LPCAT3: variants seen among roughly 807,000 people sequenced by gnomAD.
LPCAT3 encodes the protein lysophospholipid acyltransferase 5.
In LPCAT3, 21 loss-of-function variants were observed where a neutral mutation model predicts 63.4. That is an observed-to-expected ratio of 0.33 (90% CI 0.23 to 0.48). The LOEUF (loss-of-function observed/expected upper bound fraction) is 0.48. Ranked by LOEUF, LPCAT3 falls within the 20% of genes least tolerant of loss-of-function variation. The probability of loss-of-function intolerance (pLI) is 0.99; values close to 1 mark genes in which losing one functional copy is unlikely to be tolerated. For synonymous variants in LPCAT3, 242 were observed against 227.5 expected, an observed-to-expected ratio of 1.06 and a Z score of -0.58; for missense variants, 451 against 590.6, an observed-to-expected ratio of 0.76 and a Z score of 2.45.
chr12:7,003,888 G>C (rs1440333330), intron 1 of LPCAT3, among the ~76,000 whole-genome samples: 4 of 144,526 alleles, frequency 2.8e-5, no homozygotes, highest in African/African-American at 1.1e-4. Flanking sequence ...CACCACTGCA[G>C]TCCGCAGTCC....
Position 6,977,962 on chromosome 12 carries a change from G to A in LPCAT3, c.1041-217C>T. On this transcript the variant is annotated intron_variant, in intron 9 of 12. Transcript: ENST00000261407. The surrounding 1 kb of genome is among the most constrained non-coding windows in gnomAD (Gnocchi z 4.5). ...AGACCGTGTGCGCACGAGCCACTTG[G>A]TTCAGCAGCAGTGACTGAGGCTGAT... The A allele has an allele frequency of 1.7e-6, 1 of 589,602 alleles. No homozygotes were observed. The highest frequency in any genetic ancestry group is 3.0e-5 in the East Asian group (1 of 33,714). 36.5% of individuals were successfully genotyped at this position (589,602 alleles called of 1,614,324 possible).
chr12:7,003,479 T>G (rs1488987543), intron 1 of LPCAT3, among the ~76,000 whole-genome samples: 5 of 152,192 alleles, frequency 3.3e-5, no homozygotes, highest in African/African-American at 1.2e-4. Context: ...TTTATTTTAT[T>G]TTAGTAGAGA....
Position 6,987,101 on chromosome 12 carries a change from G to C in LPCAT3, c.152-3562C>G, listed in dbSNP as rs1244105263. Among the ~76,000 whole-genome samples the C allele has an allele frequency of 6.7e-6, 1 of 148,260 alleles. No individual in the cohort carries two copies. The highest frequency in any genetic ancestry group is 1.5e-5 in the Non-Finnish European group (1 of 67,896). On this transcript the variant is annotated intron_variant, in intron 1 of 12. Transcript: ENST00000261407. This position sits in a 1 kb window ranked among gnomAD's most constrained non-coding sequence, Gnocchi z 4.1. ...GCACTCCAGCTTGGGCAACGAGCAA[G>C]ATTCTGTCTCAAAAAAAAAAGAAAA...
chr12:6,990,916 C>CAAAAAA (rs59031613), intron 1 of LPCAT3, among the ~76,000 whole-genome samples: 1 of 68,138 alleles, frequency 1.5e-5, no homozygotes, highest in African/African-American at 3.8e-5. Context: ...GACTCCAAAT[C>CAAAAAA]AAAAAAAAAA....
chr12:7,004,763 A>G (rs932062653), intron 1 of LPCAT3, among the ~76,000 whole-genome samples: 1 of 152,132 alleles, frequency 6.6e-6, no homozygotes. Context: ...ACTTCCTATA[A>G]CACTACCTTA....
At position 6,987,793 on chromosome 12, in the gene LPCAT3, G is replaced by A. The variant is rs1407873390; in HGVS notation, c.152-4254C>T. ...TTAACATTTTCTAGGTGTCTGGATC[G>A]TATCTATTCCAGAGTAAAGTCATGA... On this transcript the variant is annotated intron_variant, in intron 1 of 12. Transcript: ENST00000261407. The surrounding 1 kb of genome is among the most constrained non-coding windows in gnomAD (Gnocchi z 4.1). The A allele has an allele frequency of 3.5e-5, 14 of 400,566 alleles. No individual in the cohort carries two copies. The highest frequency in any genetic ancestry group is 2.1e-4 in the African/African-American group (10 of 48,684). The allele number at this position is 400,566 out of a possible 1,614,324, so 24.8% of individuals were successfully genotyped here.
intron 1 of LPCAT3, among the ~76,000 whole-genome samples, chr12:7,002,191 C>T (rs782741949): frequency 6.6e-6 from 1 of 152,120 alleles, no homozygotes; most frequent in Non-Finnish European, 1.5e-5. Context: ...TCTCTCCTGC[C>T]CTCTCTGTTA....
chr12:7,000,765 G>T (rs372013394), intron 1 of LPCAT3, among the ~76,000 whole-genome samples: 1 of 151,520 alleles, frequency 6.6e-6, no homozygotes, highest in Non-Finnish European at 1.5e-5. Flanking sequence ...AGAGTGCAGT[G>T]GCGCGATCTC....
At chr12:6,994,365 G>A (rs1305142916) in intron 1 of LPCAT3, among the ~76,000 whole-genome samples, 1 of 152,038 alleles carries the variant, frequency 6.6e-6, no homozygotes, top group Non-Finnish European at 1.5e-5. Flanking sequence ...GCACCACCAT[G>A]CCCAGCTAAT....
At chr12:7,008,223 C>T (rs1555156995) in intron 1 of LPCAT3, among the ~76,000 whole-genome samples, 1 of 152,118 alleles carries the variant, frequency 6.6e-6, no homozygotes, top group African/African-American at 2.4e-5. Flanking sequence ...TATACAGTAT[C>T]TTCTGAACTA....
intron 1 of LPCAT3, among the ~76,000 whole-genome samples, chr12:7,000,867 T>C (rs1946681228): frequency 6.6e-6 from 1 of 151,728 alleles, no homozygotes; most frequent in African/African-American, 2.4e-5. Flanking sequence ...CCACCACGCC[T>C]GGCTAATTTT....
chr12:7,012,046 T>A (rs1198624394), intron 1 of LPCAT3, among the ~76,000 whole-genome samples: 1 of 152,158 alleles, frequency 6.6e-6, no homozygotes, highest in Non-Finnish European at 1.5e-5. Flanking sequence ...CTCCTTTGAT[T>A]TTAAAGGTCG....
intron 1 of LPCAT3, among the ~76,000 whole-genome samples, chr12:6,994,674 C>CG (rs200516927): frequency 0.04 from 6,079 of 152,232 alleles, 198 homozygotes; most frequent in Non-Finnish European, 0.065. Flanking sequence ...AGGCTGGTCT[C>CG]GAACTCCTGA....
chr12:7,007,570 C>A (rs1299236717), intron 1 of LPCAT3, among the ~76,000 whole-genome samples: 2 of 149,260 alleles, frequency 1.3e-5, no homozygotes, highest in African/African-American at 5.0e-5. Flanking sequence ...TCTCGGCTCA[C>A]TGCAACCTCC....
At chr12:6,988,954 T>A (rs1179386127) in intron 1 of LPCAT3, among the ~76,000 whole-genome samples, 5 of 151,780 alleles carry the variant, frequency 3.3e-5, no homozygotes, top group Non-Finnish European at 7.4e-5. Flanking sequence ...AGAAACCCTG[T>A]CTCTACTAAA....
intron 7 of LPCAT3, chr12:6,979,155 A>C (rs1282366769): frequency 2.6e-6 from 1 of 379,130 alleles, no homozygotes; most frequent in East Asian, 5.1e-5. Context: ...AGAGAAGAAA[A>C]TAGGATGGAG....
chr12:6,982,247 C>T (rs782199231), intron 3 of LPCAT3, among the ~76,000 whole-genome samples: 10 of 152,178 alleles, frequency 6.6e-5, no homozygotes, highest in East Asian at 3.9e-4. Flanking sequence ...CCATGTTGCC[C>T]GGGTTAGTCT....
intron 1 of LPCAT3, among the ~76,000 whole-genome samples, chr12:7,010,980 G>A (rs1373042668): frequency 6.6e-6 from 1 of 152,096 alleles, no homozygotes; most frequent in Admixed American, 6.6e-5. Context: ...TGGGACTACA[G>A]GTGCATGCCA....
At chr12:7,001,053 G>C (rs113044910) in intron 1 of LPCAT3, among the ~76,000 whole-genome samples, 3,020 of 152,144 alleles carry the variant, frequency 0.02, 103 homozygotes, top group African/African-American at 0.068. Flanking sequence ...AAAATCTCAG[G>C]CTCAGAAATT....
Sources: gnomAD v4.1 joint callset for allele counts (sites outside exome capture counted in the v4.1 genomes callset) on GRCh38, gnomAD v4.1.1 for gene constraint, Gnocchi (gnomAD v3.1) non-coding constraint, MANE v1.5 for transcripts, NCBI Gene and HGNC (gene_info 2026-07-23, HGNC 2026-07-21) for gene names.